Variants in SNX18 observed in about 807,000 individuals in gnomAD.
SNX18 encodes sorting nexin-18.
Under a neutral mutation model 48.7 loss-of-function variants are expected in SNX18, and 35 were observed. The observed-to-expected ratio is 0.72, with a 90% CI of 0.55 to 0.95. The LOEUF (loss-of-function observed/expected upper bound fraction) is 0.95. Among genes scored for constraint, SNX18 ranks in the 40% least tolerant of loss-of-function variants. SNX18 has a pLI of 0.00. For missense variants in SNX18, 824 were observed against 871.0 expected (o/e 0.95, Z 0.68); for synonymous variants, 492 against 384.7 (o/e 1.28, Z -3.26).
rs1373575971 is a variant in SNX18 at position 54,544,610 on chromosome 5, T to TAA, written c.*1178_*1179insAA. The TAA allele has an allele frequency of 2.4e-4, 28 of 116,118 alleles. No homozygotes were observed. Among genetic ancestry groups the TAA allele is most frequent in the African/African-American group, 6.7e-4 (24 of 36,030 alleles). 7.2% of individuals were successfully genotyped at this position (116,118 alleles called of 1,614,324 possible). On this transcript the variant is annotated 3_prime_UTR_variant, in exon 2 of 2. Transcript: ENST00000381410. Reference sequence around the variant, plus strand: ...AAAGATAATTGATTTATACTATGTTTTAAAAAAAAAAAAGGTATTGATGAG... The same window carrying TAA: ...AAAGATAATTGATTTATACTATGTTTAATAAAAAAAAAAAAGGTATTGATGAG...
the SNX18 span, among the ~76,000 whole-genome samples, chr5:54,584,038 G>T: frequency 6.7e-6 from 1 of 148,280 alleles, no homozygotes; most frequent in Non-Finnish European, 1.5e-5. Flanking sequence ...GGTTGCCAGT[G>T]TGTAGCTCTT....
the SNX18 span, among the ~76,000 whole-genome samples, chr5:54,624,706 C>T: frequency 4.6e-5 from 7 of 152,142 alleles, no homozygotes; most frequent in East Asian, 1.9e-4. Context: ...CCTGTTCAAT[C>T]GGGAAGGGAA....
the SNX18 span, among the ~76,000 whole-genome samples, chr5:54,552,570 C>T: frequency 6.6e-6 from 1 of 152,206 alleles, no homozygotes; most frequent in Non-Finnish European, 1.5e-5. Context: ...GTAGTCACCC[C>T]AGTGCCAGCA....
intron 1 of SNX18, among the ~76,000 whole-genome samples, chr5:54,530,659 G>A (rs1195237270): frequency 2.0e-5 from 3 of 150,246 alleles, no homozygotes; most frequent in Non-Finnish European, 3.0e-5. Flanking sequence ...AGCTTCAGAG[G>A]AGCTTAAAAA....
chr5:54,565,182 C>G, the SNX18 span, among the ~76,000 whole-genome samples: 1 of 152,188 alleles, frequency 6.6e-6, no homozygotes, highest in South Asian at 2.1e-4. Context: ...ATAATTTCCC[C>G]TAGCCATATA....
chr5:54,518,179 C>T lies in SNX18; in HGVS notation c.227C>T (p.Ala76Val), dbSNP rs1282502129. The T allele has an allele frequency of 4.3e-6, 6 of 1,384,326 alleles. No homozygotes were observed. The highest frequency in any genetic ancestry group is 3.0e-5 in the African/African-American group (2 of 65,656). 85.8% of individuals were successfully genotyped at this position (1,384,326 alleles called of 1,614,324 possible). The change falls in exon 1 of 2, where the codon GCC becomes GTC. Residue 76 changes from alanine to valine, a missense_variant. Physicochemically the swap from Ala to Val is moderately conservative, Grantham distance 64. This residue lies in a region of SNX18 where 377 missense variants were observed against 350.6 expected (regional missense o/e 1.08). Coordinates refer to ENST00000381410, the MANE Select transcript of SNX18 (RefSeq NM_001102575.2). ...PAGDGGPGAPARYANVPPGGF... is the reference protein window; with the variant it reads ...PAGDGGPGAPVRYANVPPGGF... ...GGAGACGGCGGCCCGGGCGCCCCGGCCCGCTACGCCAATGTGCCCCCCGGG... is the reference window on the plus strand; with the variant it reads ...GGAGACGGCGGCCCGGGCGCCCCGGTCCGCTACGCCAATGTGCCCCCCGGG...
chr5:54,634,137 G>C, the SNX18 span, among the ~76,000 whole-genome samples: 1 of 152,190 alleles, frequency 6.6e-6, no homozygotes, highest in Admixed American at 6.5e-5. Context: ...AGATGAAATT[G>C]ATTTAAGGGT....
chr5:54,642,162 G>C, the SNX18 span, among the ~76,000 whole-genome samples: 1 of 152,274 alleles, frequency 6.6e-6, no homozygotes. Context: ...AGAGAAGGAG[G>C]CTGGGAACTT....
At chr5:54,624,759 T>C in the SNX18 span, among the ~76,000 whole-genome samples, 3 of 152,282 alleles carry the variant, frequency 2.0e-5, no homozygotes, top group East Asian at 5.8e-4. Context: ...GCTAATATAA[T>C]GATGGAAGCT....
the SNX18 span, among the ~76,000 whole-genome samples, chr5:54,602,344 A>T: frequency 2.0e-5 from 3 of 152,194 alleles, no homozygotes; most frequent in Non-Finnish European, 4.4e-5. Context: ...GGTAGGTGTC[A>T]CTGGGAAAAT....
the SNX18 span, among the ~76,000 whole-genome samples, chr5:54,564,210 G>A: frequency 6.6e-6 from 1 of 151,972 alleles, no homozygotes; most frequent in Admixed American, 6.5e-5. Flanking sequence ...AGGTTGCAGT[G>A]AGCCGAGACC....
chr5:54,519,928 C>T, intron 1 of SNX18: 2 of 1,071,534 alleles, frequency 1.9e-6, no homozygotes, highest in Non-Finnish European at 2.7e-6. Context: ...TGTTAGGTAT[C>T]TGTTTGAACA....
At chr5:54,575,496 C>G in the SNX18 span, among the ~76,000 whole-genome samples, 1 of 151,176 alleles carries the variant, frequency 6.6e-6, no homozygotes, top group Admixed American at 6.6e-5. Flanking sequence ...CTCAGCCTCC[C>G]GAGTAGCTGA....
Position 54,519,586 on chromosome 5 carries a change from C to T in SNX18, c.1621+13C>T, listed in dbSNP as rs751092684. 1 of 1,613,990 alleles carries T rather than the reference C, an allele frequency of 6.2e-7. No individual in the cohort carries two copies. The highest frequency in any genetic ancestry group is 1.3e-5 in the African/African-American group (1 of 74,914). On this transcript the variant is annotated intron_variant, in intron 1 of 1. Transcript: ENST00000381410. ...CACGTTCAGAAAGGTAAAGCCTGGC[C>T]CTTAGAGCAGGTGATATGGAGTGTA... is the stretch of plus-strand genomic sequence containing the variant.
chr5:54,617,979 C>T, the SNX18 span, among the ~76,000 whole-genome samples: 3 of 152,154 alleles, frequency 2.0e-5, no homozygotes, highest in Non-Finnish European at 4.4e-5. Flanking sequence ...GGAAGGGGAA[C>T]AGCATTCCAG....
chr5:54,527,569 G>T (rs778234426), intron 1 of SNX18, among the ~76,000 whole-genome samples: 5 of 152,220 alleles, frequency 3.3e-5, no homozygotes, highest in Non-Finnish European at 7.3e-5. Flanking sequence ...CTTTTAGGTA[G>T]ATCAGGCTCA....
downstream of SNX18, among the ~76,000 whole-genome samples, chr5:54,548,073 C>G (rs1762602297): frequency 6.6e-6 from 1 of 152,170 alleles, no homozygotes; most frequent in South Asian, 2.1e-4. Flanking sequence ...CTGGGATTGG[C>G]TCATGGCTAT....
the SNX18 span, among the ~76,000 whole-genome samples, chr5:54,588,595 G>A: frequency 2.0e-5 from 3 of 151,902 alleles, no homozygotes; most frequent in African/African-American, 4.8e-5. Flanking sequence ...CCAAAGTGCT[G>A]GGATTACAGG....
the SNX18 span, among the ~76,000 whole-genome samples, chr5:54,601,833 G>C: frequency 6.6e-6 from 1 of 151,966 alleles, no homozygotes; most frequent in South Asian, 2.1e-4. Flanking sequence ...GTCTGCTTCA[G>C]TCCATGAGGT....
Sources: gnomAD v4.1 joint callset for allele counts (sites outside exome capture counted in the v4.1 genomes callset) on GRCh38, gnomAD v4.1.1 for gene constraint, gnomAD v4.1.1 regional missense constraint, MANE v1.5 for transcripts, NCBI Gene and HGNC (gene_info 2026-07-23, HGNC 2026-07-21) for gene names.